KCNB2: variants seen among roughly 807,000 people sequenced by gnomAD.
KCNB2 encodes delayed rectifier potassium channel protein.
Under a neutral mutation model 61.5 loss-of-function variants are expected in KCNB2, and 15 were observed. The observed-to-expected ratio is 0.24, with a 90% CI of 0.16 to 0.38. The LOEUF (loss-of-function observed/expected upper bound fraction) is 0.38. Among genes scored for constraint, KCNB2 ranks in the 10% least tolerant of loss-of-function variants. KCNB2 has a pLI of 1.00. For synonymous variants in KCNB2, 457 were observed against 446.0 expected (o/e 1.02, Z -0.31); for missense variants, 828 against 1,125.2 (o/e 0.74, Z 3.78).
intron 2 of KCNB2, among the ~76,000 whole-genome samples, chr8:72,858,825 T>TTGTCTTATACAATAAGGAG (rs1463489007): frequency 6.6e-6 from 1 of 152,204 alleles, no homozygotes; most frequent in Non-Finnish European, 1.5e-5. Flanking sequence ...TCAATACATG[T>TTGTCTTATACAATAAGGAG]TGTCTTATAC....
intron 2 of KCNB2, among the ~76,000 whole-genome samples, chr8:72,727,478 G>A (rs1332774145): frequency 6.6e-6 from 1 of 152,170 alleles, no homozygotes; most frequent in Non-Finnish European, 1.5e-5. Flanking sequence ...TAAAGTGGAA[G>A]CATTTTTATA....
chr8:72,753,833 C>T (rs1808242311), intron 2 of KCNB2, among the ~76,000 whole-genome samples: 1 of 152,152 alleles, frequency 6.6e-6, no homozygotes, highest in East Asian at 1.9e-4. Context: ...AAAAATTAGC[C>T]TTAGAAACTC....
chr8:72,890,128 C>A (rs1429287007), intron 2 of KCNB2, among the ~76,000 whole-genome samples: 2 of 152,168 alleles, frequency 1.3e-5, no homozygotes, highest in Non-Finnish European at 2.9e-5. Flanking sequence ...GACAAAGGAT[C>A]TGATTCAGAT....
intron 2 of KCNB2, among the ~76,000 whole-genome samples, chr8:72,703,370 C>T (rs562740812): frequency 6.6e-6 from 1 of 152,292 alleles, no homozygotes; most frequent in South Asian, 2.1e-4. Context: ...CATAGAGGAG[C>T]ACAGAGAGCT....
At chr8:72,619,336 C>A (rs550774105) in intron 2 of KCNB2, 2 of 592,604 alleles carry the variant, frequency 3.4e-6, no homozygotes, top group Admixed American at 2.0e-5. Context: ...ATGAGAAGGT[C>A]TTGAAGAGGC....
At chr8:72,892,519 C>T (rs1394717181) in intron 2 of KCNB2, among the ~76,000 whole-genome samples, 1 of 152,180 alleles carries the variant, frequency 6.6e-6, no homozygotes, top group Non-Finnish European at 1.5e-5. Flanking sequence ...GCACATGCCA[C>T]ATGTTTCATG....
At chr8:72,802,408 T>C (rs1231564629) in intron 2 of KCNB2, among the ~76,000 whole-genome samples, 2 of 152,248 alleles carry the variant, frequency 1.3e-5, no homozygotes, top group East Asian at 1.9e-4. Context: ...TCCTTAGATA[T>C]TGTCTTTAGA....
intron 2 of KCNB2, among the ~76,000 whole-genome samples, chr8:72,807,487 C>G (rs551486172): frequency 1.3e-5 from 2 of 152,162 alleles, no homozygotes; most frequent in Admixed American, 6.5e-5. Context: ...AGTAGACATT[C>G]GGAATGGCTC....
At chr8:72,889,067 C>T (rs2129005691) in intron 2 of KCNB2, among the ~76,000 whole-genome samples, 1 of 152,286 alleles carries the variant, frequency 6.6e-6, no homozygotes, top group Non-Finnish European at 1.5e-5. Flanking sequence ...AGAGAGCACA[C>T]TCTCTGAAGG....
intron 1 of KCNB2, among the ~76,000 whole-genome samples, chr8:72,562,717 AT>A (rs1302433052): frequency 6.6e-6 from 1 of 152,224 alleles, no homozygotes. Flanking sequence ...TAAGCATTGA[AT>A]TATTGCATTT....
intron 2 of KCNB2, among the ~76,000 whole-genome samples, chr8:72,686,444 C>A (rs1806855375): frequency 6.6e-6 from 1 of 152,034 alleles, no homozygotes; most frequent in South Asian, 2.1e-4. Context: ...GACTCCTGGG[C>A]TCAAGTGATC....
At chr8:72,823,684 G>T (rs1809549731) in intron 2 of KCNB2, among the ~76,000 whole-genome samples, 1 of 152,150 alleles carries the variant, frequency 6.6e-6, no homozygotes, top group Non-Finnish European at 1.5e-5. Context: ...TACTTTCATT[G>T]TCTCATGAAT....
chr8:72,767,878 G>A (rs527807537), intron 2 of KCNB2, among the ~76,000 whole-genome samples: 5 of 152,258 alleles, frequency 3.3e-5, no homozygotes, highest in African/African-American at 1.2e-4. Flanking sequence ...GCCAACTCTT[G>A]TTAGTATTTG....
At chr8:72,914,729 A>G (rs1806360444) in intron 2 of KCNB2, among the ~76,000 whole-genome samples, 1 of 152,222 alleles carries the variant, frequency 6.6e-6, no homozygotes, top group African/African-American at 2.4e-5. Flanking sequence ...AACTATTGAG[A>G]TACAGACTTA....
rs115139052 is a variant in KCNB2, at chr8:72,734,939, G to A, written c.579+166626G>A. Among the ~76,000 whole-genome samples the A allele has an allele frequency of 1.4e-3, 209 of 152,280 alleles. 1 individual carries two copies. Among genetic ancestry groups the A allele is most frequent in the African/African-American group, 4.8e-3 (200 of 41,556 alleles). On this transcript the variant is annotated intron_variant, in intron 2 of 2. Transcript: ENST00000523207. ...CGGCAGCTTGTACTGTAAGAAGTGC[G>A]TTTTCATTACTATGAACAAAACAGG...
intron 2 of KCNB2, among the ~76,000 whole-genome samples, chr8:72,623,285 C>G (rs896088306): frequency 2.0e-5 from 3 of 152,152 alleles, no homozygotes; most frequent in Non-Finnish European, 4.4e-5. Context: ...AATTTAGGGG[C>G]ACTTCTTGCT....
chr8:72,872,332 A>G (rs1805632048), intron 2 of KCNB2, among the ~76,000 whole-genome samples: 1 of 152,234 alleles, frequency 6.6e-6, no homozygotes, highest in Non-Finnish European at 1.5e-5. Flanking sequence ...GCTCTGTCAG[A>G]AAAGCTTCAT....
At chr8:72,833,460 G>C (rs1011851898) in intron 2 of KCNB2, among the ~76,000 whole-genome samples, 2 of 152,152 alleles carry the variant, frequency 1.3e-5, no homozygotes, top group Non-Finnish European at 2.9e-5. Context: ...GAGGTAGATT[G>C]TGTGACTTCA....
chr8:72,625,136 G>A (rs1304764437), intron 2 of KCNB2, among the ~76,000 whole-genome samples: 4 of 152,180 alleles, frequency 2.6e-5, no homozygotes, highest in South Asian at 2.1e-4. Flanking sequence ...CTCCTGACTC[G>A]CAGAAGCTGT....
Sources: allele counts gnomAD v4.1 joint callset (sites outside exome capture counted in the v4.1 genomes callset), GRCh38; gene constraint gnomAD v4.1.1; transcripts MANE v1.5; gene names NCBI Gene and HGNC (gene_info 2026-07-23, HGNC 2026-07-21).